VKORC1: variants seen among roughly 807,000 people sequenced by gnomAD.
VKORC1 encodes phylloquinone epoxide reductase.
In VKORC1, 12 loss-of-function variants were observed where a neutral mutation model predicts 14.8. The ratio of observed to expected loss-of-function variants is 0.81; its 90% confidence interval spans 0.52 to 1.31. The LOEUF is 1.31. VKORC1 is among the 50% of genes most tolerant of loss of function. The probability of loss-of-function intolerance (pLI) is 0.00; values close to 1 mark genes in which losing one functional copy is unlikely to be tolerated. For synonymous variants in VKORC1, 94 were observed against 92.5 expected (o/e 1.02, Z -0.09); for missense variants, 223 against 215.3 (o/e 1.04, Z -0.22).
intron 2 of VKORC1, 88 bp downstream of exon 2, chr16:31,093,224 T>A: frequency 7.5e-7 from 1 of 1,331,972 alleles, no homozygotes; most frequent in South Asian, 1.3e-5. Context: ...GCTGTGTGGA[T>A]CACCAAGATT....
chr16:31,093,317 A>G lies in VKORC1; in HGVS notation c.278T>C (p.Leu93Ser). 6.2e-7 allele frequency: 1 copy of G among 1,613,564 alleles called. No individual in the cohort carries two copies. The highest frequency in any genetic ancestry group is 8.5e-7 in the Non-Finnish European group (1 of 1,179,998). Residue 93 changes from leucine (L) to serine (S), a missense_variant, in exon 2 of 3, where the codon TTG (leucine) becomes TCG (serine). By Grantham distance (145) the Leu-to-Ser change is moderately radical. Coordinates refer to ENST00000394975, the MANE Select transcript of VKORC1 (RefSeq NM_024006.6). ...FGCIFYTLQLLLGCLRTRWAS... is the reference protein window; with the variant it reads ...FGCIFYTLQLSLGCLRTRWAS... ...GAGGGGGCGGAGCCACTCACCTAAC[A>G]ATAGCTGTAGTGTGTAGAAGATGCA...
chr16:31,094,691 G>C lies in VKORC1; in HGVS notation c.39C>G (p.Leu13=), dbSNP rs1378716618. ...GCACTAAGCCCGTCAGGCAAAGAGC[G>C]AGCCGCACCCAGCCAGGGCTCCCCC... ...STWGSPGWVR[L]ALCLTGLVLS... The change falls in exon 1 of 3, where the codon CTC becomes CTG. Residue 13 remains leucine, a synonymous_variant. Coordinates refer to ENST00000394975, the MANE Select transcript of VKORC1 (RefSeq NM_024006.6). 1 of 1,608,680 alleles carries C rather than the reference G, an allele frequency of 6.2e-7. No individual in the cohort carries two copies. The highest frequency in any genetic ancestry group is 8.5e-7 in the Non-Finnish European group (1 of 1,179,038).
At position 31,090,981 on chromosome 16, in the gene VKORC1, T is replaced by G; in HGVS notation, c.*153A>C. 2 of 1,279,602 alleles carry G rather than the reference T, an allele frequency of 1.6e-6. No homozygotes were observed. Among genetic ancestry groups the G allele is most frequent in the Non-Finnish European group, 2.2e-6 (2 of 924,618 alleles). 79.3% of individuals were successfully genotyped at this position (1,279,602 alleles called of 1,614,324 possible). A position where few individuals can be genotyped will look rare whatever the true frequency, so the allele number is the denominator to read the frequency against. On this transcript the variant is annotated 3_prime_UTR_variant, in exon 3 of 3. Transcript: ENST00000394975. ...TAAAAAAGAGCGAGCGTGTGGCACA[T>G]TTGGTCCATTGTCATGTGCGGGTAT...
At chr16:31,092,968 G>A in intron 2 of VKORC1, 1 of 415,170 alleles carries the variant, frequency 2.4e-6, no homozygotes, top group Non-Finnish European at 4.4e-6. Context: ...CTTGGGCAGG[G>A]AGGCAGAGGT....
intron 2 of VKORC1, 27 bp from the exon 3 acceptor site, chr16:31,091,369 G>C: frequency 6.2e-7 from 1 of 1,603,962 alleles, no homozygotes; most frequent in Non-Finnish European, 8.5e-7. Context: ...GGTCCGGTGT[G>C]GGCTTCAGGC....
At chr16:31,092,878 A>AC (rs2057298685) in intron 2 of VKORC1, 1 of 807,878 alleles carries the variant, frequency 1.2e-6, no homozygotes, top group Non-Finnish European at 1.7e-6. Flanking sequence ...TACCAAAAAA[A>AC]AACAAAAACA....
chr16:31,091,422 T>C, intron 2 of VKORC1, 80 bp from the exon 3 acceptor site: 1 of 1,554,800 alleles, frequency 6.4e-7, no homozygotes, highest in Non-Finnish European at 8.7e-7. Flanking sequence ...CTGCACTACC[T>C]AGATGCCAGG....
rs544307744 is a variant in VKORC1 at position 31,093,910 on chromosome 16, T to C, written c.174-489A>G. On this transcript the variant is annotated intron_variant, in intron 1 of 2. Transcript: ENST00000394975. ...TTGGTAGAGACAGGCTTTCACCATGTTGGCCAGGCTGGTCAACTCCTGACT... is the reference window on the plus strand; with the variant it reads ...TTGGTAGAGACAGGCTTTCACCATGCTGGCCAGGCTGGTCAACTCCTGACT... 7.9e-4 allele frequency: 270 copies of C among 342,774 alleles called. 5 individuals are homozygous for C. In the South Asian group the frequency reaches 9.2e-3, roughly 12 times the overall value. The allele number at this position is 342,774 out of a possible 1,614,324, so 21.2% of individuals were successfully genotyped here.
Position 31,090,977 on chromosome 16 carries a change from C to A in VKORC1, c.*157G>T. 8.0e-7 allele frequency: 1 copy of A among 1,247,080 alleles called. No individual in the cohort carries two copies. The highest frequency in any genetic ancestry group is 1.1e-6 in the Non-Finnish European group (1 of 898,120). The allele number at this position is 1,247,080 out of a possible 1,614,324, so 77.3% of individuals were successfully genotyped here. A position where few individuals can be genotyped will look rare whatever the true frequency, so the allele number is the denominator to read the frequency against. On this transcript the variant is annotated 3_prime_UTR_variant, in exon 3 of 3. Coordinates refer to ENST00000394975, the MANE Select transcript of VKORC1 (RefSeq NM_024006.6). ...GGTGTAAAAAAGAGCGAGCGTGTGG[C>A]ACATTTGGTCCATTGTCATGTGCGG... is the stretch of plus-strand genomic sequence containing the variant.
chr16:31,093,333 A>G lies in VKORC1; in HGVS notation c.262T>C (p.Tyr88His). 1 of 1,614,042 alleles carries G rather than the reference A, an allele frequency of 6.2e-7. No individual in the cohort carries two copies. The highest frequency in any genetic ancestry group is 1.3e-5 in the African/African-American group (1 of 75,032). Residue 88 changes from tyrosine (Y) to histidine (H), a missense_variant, in exon 2 of 3, where the codon TAC (tyrosine) becomes CAC (histidine). Tyr to His is a moderately conservative substitution (Grantham distance 83). Transcript: ENST00000394975. Reference protein sequence around the residue: ...QSNSIFGCIFYTLQLLLGCLR... With the variant: ...QSNSIFGCIFHTLQLLLGCLR... ...TCACCTAACAATAGCTGTAGTGTGT[A>G]GAAGATGCAACCGAATATGCTGTTG...
chr16:31,091,409 T>C, intron 2 of VKORC1, 67 bp from the exon 3 acceptor site: 3 of 1,565,376 alleles, frequency 1.9e-6, no homozygotes, highest in Non-Finnish European at 1.7e-6. Flanking sequence ...CTCCATGATG[T>C]CACTGCACTA....
rs772725030 is a variant in VKORC1 at position 31,094,058 on chromosome 16, T to C, written c.173+499A>G. ...GTATAACGGTTCACTCGGTTTTGCA[T>C]CAGAGACTGGGAGTCGGGGGCAGAT... On this transcript the variant is annotated intron_variant, in intron 1 of 2. Coordinates refer to ENST00000394975, the MANE Select transcript of VKORC1 (RefSeq NM_024006.6). The C allele has an allele frequency of 1.5e-4, 183 of 1,183,538 alleles. 1 individual carries two copies. The highest frequency in any genetic ancestry group is 2.1e-4 in the Middle Eastern group (1 of 4,772). 73.3% of individuals were successfully genotyped at this position (1,183,538 alleles called of 1,614,324 possible).
intron 1 of VKORC1, chr16:31,094,249 T>G (rs1365205357): frequency 1.2e-6 from 2 of 1,611,158 alleles, no homozygotes; most frequent in East Asian, 4.5e-5. Context: ...GCGCCGTCCT[T>G]GAGACCATCG....
chr16:31,092,845 G>A, intron 2 of VKORC1: 2 of 1,097,432 alleles, frequency 1.8e-6, no homozygotes, highest in South Asian at 2.8e-5. Flanking sequence ...ACCAGCCTGG[G>A]CAACATGGCG....
intron 1 of VKORC1, 87 bp downstream of exon 1, chr16:31,094,470 G>A (rs761749357): frequency 3.7e-6 from 6 of 1,612,828 alleles, no homozygotes; most frequent in Middle Eastern, 1.6e-4. Flanking sequence ...CCGTTCCCCG[G>A]GCACACCGAT....
chr16:31,094,771 C>A lies in VKORC1; in HGVS notation c.-42G>T. On this transcript the variant is annotated 5_prime_UTR_variant, in exon 1 of 3. Transcript: ENST00000394975. ...CCGAGGCGCCCGCGGAGAAAACCAGCCACGGAGCAGGGGCCGGGCGGCGAA... is the reference window on the plus strand; with the variant it reads ...CCGAGGCGCCCGCGGAGAAAACCAGACACGGAGCAGGGGCCGGGCGGCGAA... 6.4e-7 allele frequency: 1 copy of A among 1,563,514 alleles called. No individual in the cohort carries two copies.
In VKORC1 at chr16:31,090,966, C is replaced by T. The variant is rs1010575442; in HGVS notation, c.*168G>A. 3.0e-5 allele frequency: 34 copies of T among 1,134,938 alleles called. No individual in the cohort carries two copies. Among genetic ancestry groups the T allele is most frequent in the Admixed American group, 1.1e-4 (5 of 43,600 alleles). 70.3% of individuals were successfully genotyped at this position (1,134,938 alleles called of 1,614,324 possible). On this transcript the variant is annotated 3_prime_UTR_variant, in exon 3 of 3. Transcript: ENST00000394975. ...CAGAGGCACTGGGTGTAAAAAAGAGCGAGCGTGTGGCACATTTGGTCCATT... is the reference window on the plus strand; with the variant it reads ...CAGAGGCACTGGGTGTAAAAAAGAGTGAGCGTGTGGCACATTTGGTCCATT...
Position 31,094,790 on chromosome 16 carries a change from C to A in VKORC1, c.-61G>T, listed in dbSNP as rs1596798820. On this transcript the variant is annotated 5_prime_UTR_variant, in exon 1 of 3. Transcript: ENST00000394975. ...AACCAGCCACGGAGCAGGGGCCGGGCGGCGAATGGCCGCGCCCCTCCTGGC... is the reference window on the plus strand; with the variant it reads ...AACCAGCCACGGAGCAGGGGCCGGGAGGCGAATGGCCGCGCCCCTCCTGGC... 1.3e-6 allele frequency: 2 copies of A among 1,544,124 alleles called. No homozygotes were observed. The highest frequency in any genetic ancestry group is 1.7e-6 in the Non-Finnish European group (2 of 1,150,386).
chr16:31,091,009 C>A lies in VKORC1; in HGVS notation c.*125G>T. ...GGTCCATTGTCATGTGCGGGTATGG[C>A]AGGAGGAGGGGGTAATCTAGAAGCC... On this transcript the variant is annotated 3_prime_UTR_variant, in exon 3 of 3. Coordinates refer to ENST00000394975, the MANE Select transcript of VKORC1 (RefSeq NM_024006.6). 1 of 1,478,006 alleles carries A rather than the reference C, an allele frequency of 6.8e-7. No homozygotes were observed. The highest frequency in any genetic ancestry group is 9.2e-7 in the Non-Finnish European group (1 of 1,091,462). 91.6% of individuals were successfully genotyped at this position (1,478,006 alleles called of 1,614,324 possible).
Sources: gnomAD v4.1 joint callset for allele counts on GRCh38, gnomAD v4.1.1 for gene constraint, MANE v1.5 for transcripts, NCBI Gene and HGNC (gene_info 2026-07-23, HGNC 2026-07-21) for gene names.